The following GALNTL6 variants were observed in gnomAD, a reference collection of about 807,000 sequenced individuals.
GALNTL6 encodes polypeptide N-acetylgalactosaminyltransferase like 6, also known as polypeptide N-acetylgalactosaminyltransferase-like 6.
A neutral mutation model predicts 73.7 loss-of-function variants in GALNTL6; 46 were observed. The observed-to-expected ratio is 0.62, with a 90% CI of 0.49 to 0.80. The LOEUF is 0.80. Among genes scored for constraint, GALNTL6 ranks in the 30% least tolerant of loss-of-function variants. GALNTL6 has a pLI of 0.00. For synonymous variants in GALNTL6, 259 were observed against 263.7 expected (o/e 0.98, Z 0.17); for missense variants, 604 against 755.0 (o/e 0.80, Z 2.34).
intron 9 of GALNTL6, among the ~76,000 whole-genome samples, chr4:172,943,363 G>A (rs1462715296): frequency 6.6e-6 from 1 of 152,166 alleles, no homozygotes; most frequent in Non-Finnish European, 1.5e-5. Flanking sequence ...TGCTACCTCA[G>A]CCAAAATCTG....
chr4:172,291,645 T>A (rs551993611), intron 3 of GALNTL6, among the ~76,000 whole-genome samples: 239 of 152,042 alleles, frequency 1.6e-3, no homozygotes, highest in African/African-American at 5.5e-3. Flanking sequence ...TTCCATGGAG[T>A]CTAAAGGCAA....
chr4:172,039,846 AT>A (rs1742035339), intron 2 of GALNTL6, among the ~76,000 whole-genome samples: 1 of 152,154 alleles, frequency 6.6e-6, no homozygotes, highest in Admixed American at 6.6e-5. Flanking sequence ...ATTGCCTCTA[AT>A]GTTAACATAT....
At chr4:172,812,150 C>G (rs993455480) in intron 6 of GALNTL6, among the ~76,000 whole-genome samples, 3 of 152,056 alleles carry the variant, frequency 2.0e-5, no homozygotes, top group African/African-American at 7.2e-5. Flanking sequence ...TTTCCATCCC[C>G]TGCTTCATCA....
At chr4:172,786,047 AAG>A (rs1476342323) in intron 5 of GALNTL6, among the ~76,000 whole-genome samples, 1 of 152,136 alleles carries the variant, frequency 6.6e-6, no homozygotes, top group Non-Finnish European at 1.5e-5. Flanking sequence ...GATGAATAGA[AAG>A]GGGGAATTAT....
At chr4:172,118,653 T>C (rs538880460) in intron 2 of GALNTL6, among the ~76,000 whole-genome samples, 45 of 151,924 alleles carry the variant, frequency 3.0e-4, no homozygotes, top group African/African-American at 1.1e-3. Flanking sequence ...TGAGCCGAGA[T>C]TGTGCCACTG....
intron 9 of GALNTL6, among the ~76,000 whole-genome samples, chr4:172,944,352 A>G (rs1749057287): frequency 6.6e-6 from 1 of 152,248 alleles, no homozygotes; most frequent in African/African-American, 2.4e-5. Flanking sequence ...CAGGTGGCAA[A>G]TAAGGACATG....
intron 5 of GALNTL6, among the ~76,000 whole-genome samples, chr4:172,572,152 C>T (rs1736786071): frequency 6.6e-6 from 1 of 152,188 alleles, no homozygotes; most frequent in African/African-American, 2.4e-5. Context: ...CATCTCACTG[C>T]TACAGTCTGT....
chr4:172,724,670 G>T (rs1735687075), intron 5 of GALNTL6, among the ~76,000 whole-genome samples: 1 of 152,154 alleles, frequency 6.6e-6, no homozygotes, highest in African/African-American at 2.4e-5. Flanking sequence ...TAATTAAAAT[G>T]AGTGAATTAA....
intron 5 of GALNTL6, among the ~76,000 whole-genome samples, chr4:172,753,298 G>A (rs1387541061): frequency 3.3e-5 from 5 of 152,172 alleles, no homozygotes; most frequent in African/African-American, 1.2e-4. Context: ...GGAACTGTGA[G>A]TCTATCAAAC....
At chr4:172,699,413 T>C (rs1427934839) in intron 5 of GALNTL6, among the ~76,000 whole-genome samples, 1 of 152,212 alleles carries the variant, frequency 6.6e-6, no homozygotes, top group Non-Finnish European at 1.5e-5. Context: ...CACAAACACA[T>C]GTATACATAA....
At chr4:172,043,702 A>G (rs1049262499) in intron 2 of GALNTL6, among the ~76,000 whole-genome samples, 18 of 152,058 alleles carry the variant, frequency 1.2e-4, no homozygotes, top group African/African-American at 4.1e-4. Flanking sequence ...AGGAAATAGT[A>G]TTATCTAACA....
intron 2 of GALNTL6, among the ~76,000 whole-genome samples, chr4:171,878,591 C>A (rs972299627): frequency 6.6e-6 from 1 of 151,972 alleles, no homozygotes; most frequent in African/African-American, 2.4e-5. Context: ...TTATTTTTTT[C>A]ATATCGCAAG....
intron 2 of GALNTL6, 127 bp downstream of exon 2, chr4:171,814,845 C>T: frequency 1.1e-6 from 1 of 888,030 alleles, no homozygotes; most frequent in Non-Finnish European, 1.7e-6. Context: ...CTGATTATTA[C>T]AAGACTCTAG....
chr4:172,824,899 T>C (rs1473162191), intron 7 of GALNTL6, among the ~76,000 whole-genome samples: 1 of 152,226 alleles, frequency 6.6e-6, no homozygotes, highest in Non-Finnish European at 1.5e-5. Context: ...TAGTCTTTAC[T>C]GTTTGCTGCT....
intron 2 of GALNTL6, among the ~76,000 whole-genome samples, chr4:172,099,253 T>A (rs780054804): frequency 2.0e-5 from 3 of 152,118 alleles, no homozygotes; most frequent in Admixed American, 6.6e-5. Context: ...CCAAATGTAA[T>A]GGTCAGGGGA....
intron 8 of GALNTL6, among the ~76,000 whole-genome samples, chr4:172,913,448 TA>T (rs1178339508): frequency 6.6e-6 from 1 of 152,142 alleles, no homozygotes; most frequent in African/African-American, 2.4e-5. Flanking sequence ...TTCTTCGAGC[TA>T]AAGGAGGATG....
chr4:172,528,319 AATATAT>A (rs3083419), intron 5 of GALNTL6, among the ~76,000 whole-genome samples: 2,372 of 103,192 alleles, frequency 0.023, 32 homozygotes, highest in African/African-American at 0.03. Flanking sequence ...CTAGAAATAA[AATATAT>A]ATATATATAT....
chr4:172,787,215 G>T (rs570380194), intron 5 of GALNTL6, among the ~76,000 whole-genome samples: 1 of 152,144 alleles, frequency 6.6e-6, no homozygotes, highest in Admixed American at 6.5e-5. Flanking sequence ...TAATGACCTC[G>T]TTCAAAACAA....
At chr4:171,860,581 A>T (rs1279143650) in intron 2 of GALNTL6, among the ~76,000 whole-genome samples, 2 of 152,136 alleles carry the variant, frequency 1.3e-5, no homozygotes, top group African/African-American at 2.4e-5. Flanking sequence ...CTTTCACTGA[A>T]TCTGCTTCTT....
Sources: allele counts gnomAD v4.1 joint callset (sites outside exome capture counted in the v4.1 genomes callset), GRCh38; gene constraint gnomAD v4.1.1; transcripts MANE v1.5; gene names NCBI Gene and HGNC (gene_info 2026-07-23, HGNC 2026-07-21).